The following MAP4K4 variants were observed in gnomAD, a reference collection of about 807,000 sequenced individuals.
The protein encoded by MAP4K4 is mitogen-activated protein kinase kinase kinase kinase 4.
A neutral mutation model predicts 189.6 loss-of-function variants in MAP4K4; 38 were observed. The ratio of observed to expected loss-of-function variants is 0.20; its 90% confidence interval spans 0.15 to 0.26. The LOEUF is 0.26. Among genes scored for constraint, MAP4K4 ranks in the 10% least tolerant of loss-of-function variants. The pLI is 1.00. For synonymous variants in MAP4K4, 610 were observed against 624.3 expected, an observed-to-expected ratio of 0.98 and a Z score of 0.34; for missense variants, 1,054 against 1,726.9, an observed-to-expected ratio of 0.61 and a Z score of 6.91.
At chr2:101,788,744 C>T (rs928207306) in intron 2 of MAP4K4, among the ~76,000 whole-genome samples, 35 of 152,132 alleles carry the variant, frequency 2.3e-4, no homozygotes, top group African/African-American at 8.2e-4. Context: ...TCACAGTTCT[C>T]AGCTTTTATG....
rs2098500558 is a variant in MAP4K4, at chr2:101,887,243, A to G, written c.3771+6A>G. ...ACATTTATCTACCAACACATGTAAG[A>G]AAGAACCCACACTCTATGGTTGGTT... On this transcript the variant is annotated splice_donor_region_variant and intron_variant, in intron 30 of 32. Transcript: ENST00000324219. The G allele has an allele frequency of 6.2e-7, 1 of 1,607,638 alleles. No individual in the cohort carries two copies. Among genetic ancestry groups the G allele is most frequent in the South Asian group, 1.1e-5 (1 of 89,812 alleles).
At chr2:101,867,662 T>C (rs944650086) in intron 20 of MAP4K4, 2 of 352,728 alleles carry the variant, frequency 5.7e-6, no homozygotes, top group Admixed American at 8.6e-5. Flanking sequence ...AGAAAAGCCT[T>C]TTTATCTCTT....
At chr2:101,877,358 A>C (rs1005915727) in intron 27 of MAP4K4, among the ~76,000 whole-genome samples, 11 of 152,176 alleles carry the variant, frequency 7.2e-5, no homozygotes, top group African/African-American at 2.2e-4. Flanking sequence ...AGTCTTGAGA[A>C]GCGTATGAAT....
At chr2:101,816,653 C>T (rs546706105) in intron 3 of MAP4K4, among the ~76,000 whole-genome samples, 2 of 152,168 alleles carry the variant, frequency 1.3e-5, no homozygotes, top group African/African-American at 4.8e-5. Context: ...CCTTTTGCTC[C>T]GGGAATGACT....
exon 22 of MAP4K4, chr2:101,869,795 A>C: frequency 1.3e-6 from 2 of 1,554,230 alleles, no homozygotes. Flanking sequence ...ACACCAGAGC[A>C]GCGTCAGTCC....
intron 2 of MAP4K4, among the ~76,000 whole-genome samples, chr2:101,723,305 C>A (rs762130152): frequency 6.6e-6 from 1 of 152,230 alleles, no homozygotes; most frequent in Non-Finnish European, 1.5e-5. Context: ...ATAATGCAGA[C>A]ATCTCACTGT....
In MAP4K4 at chr2:101,860,810, A is replaced by G. The variant is rs776193703; in HGVS notation, c.1705-15A>G. 3 of 1,596,408 alleles carry G rather than the reference A, an allele frequency of 1.9e-6. No individual in the cohort carries two copies. Among genetic ancestry groups the G allele is most frequent in the Non-Finnish European group, 1.7e-6 (2 of 1,170,992 alleles). On this transcript the variant is annotated splice_polypyrimidine_tract_variant and intron_variant, in intron 15 of 32. Coordinates refer to ENST00000324219, the Ensembl canonical transcript of MAP4K4. ...CTACTAACACTGAGTTATGTCTTCT[A>G]ATTCTCTGATGCAGGTGGAAGATAG... is the stretch of plus-strand genomic sequence containing the variant.
intron 14 of MAP4K4, 83 bp from the exon 15 acceptor site, chr2:101,859,558 CTT>C: frequency 4.6e-6 from 5 of 1,094,920 alleles, no homozygotes; most frequent in Non-Finnish European, 6.5e-6. Context: ...TATATGGTCA[CTT>C]TTTTTAAAAG....
chr2:101,720,575 A>G (rs1362999416), intron 2 of MAP4K4, among the ~76,000 whole-genome samples: 1 of 152,238 alleles, frequency 6.6e-6, no homozygotes, highest in African/African-American at 2.4e-5. Flanking sequence ...GTAGACTGCC[A>G]GATGGACCTT....
chr2:101,797,424 C>T (rs749052931), intron 3 of MAP4K4: 2 of 1,284,234 alleles, frequency 1.6e-6, no homozygotes, highest in African/African-American at 3.0e-5. Flanking sequence ...TCTGTATCCC[C>T]CTCCTGCACC....
intron 27 of MAP4K4, among the ~76,000 whole-genome samples, chr2:101,877,747 T>A (rs2098249738): frequency 6.6e-6 from 1 of 151,816 alleles, no homozygotes; most frequent in African/African-American, 2.4e-5. Flanking sequence ...TTTTACTTAT[T>A]TATTTATTTA....
At chr2:101,833,361 C>G (rs983923700) in intron 7 of MAP4K4, among the ~76,000 whole-genome samples, 16 of 152,194 alleles carry the variant, frequency 1.1e-4, no homozygotes, top group Non-Finnish European at 1.9e-4. Flanking sequence ...TGGCTCACGC[C>G]TGTAATCCCA....
chr2:101,746,958 C>T (rs1021619349), intron 2 of MAP4K4, among the ~76,000 whole-genome samples: 2 of 152,072 alleles, frequency 1.3e-5, no homozygotes, highest in Non-Finnish European at 2.9e-5. Context: ...GTAGACAAAA[C>T]ATTTTGCCCT....
chr2:101,870,801 T>G (rs988199180), intron 23 of MAP4K4, among the ~76,000 whole-genome samples: 2 of 152,244 alleles, frequency 1.3e-5, no homozygotes, highest in African/African-American at 4.8e-5. Flanking sequence ...GGGCTCTGAG[T>G]GTCTGCAGTG....
Position 101,704,565 on chromosome 2 carries a change from A to ATTTTTTT in MAP4K4, c.123+6028_123+6029insTTTTTTT, listed in dbSNP as rs1559014076. Among the ~76,000 whole-genome samples the ATTTTTTT allele has an allele frequency of 2.4e-3, 97 of 40,346 alleles. 1 individual carries two copies. Among genetic ancestry groups the ATTTTTTT allele is most frequent in the South Asian group, 4.8e-3 (3 of 630 alleles). 26.5% of individuals were successfully genotyped at this position (40,346 alleles called of 152,430 possible). On this transcript the variant is annotated intron_variant, in intron 2 of 32. Coordinates refer to ENST00000324219, the Ensembl canonical transcript of MAP4K4. ...TGTATATATATATATATATATATATATATTTTTTTTTTTTTTTTTTTTTTT... is the reference window on the plus strand; with the variant it reads ...TGTATATATATATATATATATATATATTTTTTTTATTTTTTTTTTTTTTTTTTTTTTT...
chr2:101,700,655 A>G (rs762936996), intron 2 of MAP4K4, among the ~76,000 whole-genome samples: 2 of 152,176 alleles, frequency 1.3e-5, no homozygotes, highest in Non-Finnish European at 2.9e-5. Context: ...CCCAAATGCT[A>G]TTTCAGCTGT....
chr2:101,833,248 G>A (rs1470849457), intron 7 of MAP4K4, among the ~76,000 whole-genome samples: 2 of 152,146 alleles, frequency 1.3e-5, no homozygotes, highest in Admixed American at 6.5e-5. Context: ...GGTTAAGATA[G>A]CATATAAACA....
rs772987079 is a variant in MAP4K4 at position 101,698,456 on chromosome 2, C to T, written c.58-17C>T. On this transcript the variant is annotated splice_polypyrimidine_tract_variant and intron_variant, in intron 1 of 32. Transcript: ENST00000324219. The stretch of plus-strand genomic sequence containing the variant: ...GGCTTCTTTTAAATGATAACCCCTC[C>T]CCTCCTTCCTCTCCAGGATCCTGCT... 52 of 1,608,326 alleles carry T rather than the reference C, an allele frequency of 3.2e-5. No individual in the cohort carries two copies. The highest frequency in any genetic ancestry group is 4.5e-5 in the East Asian group (2 of 44,810).
intron 8 of MAP4K4, 132 bp downstream of exon 8, chr2:101,834,595 A>T (rs913602010): frequency 4.5e-6 from 3 of 672,856 alleles, no homozygotes; most frequent in Non-Finnish European, 7.7e-6. Flanking sequence ...AGGCAACATA[A>T]ATATAGTCAA....
Sources: gnomAD v4.1 joint callset for allele counts (sites outside exome capture counted in the v4.1 genomes callset) on GRCh38, gnomAD v4.1.1 for gene constraint, MANE v1.5 for transcripts, NCBI Gene and HGNC (gene_info 2026-07-23, HGNC 2026-07-21) for gene names.